Variants in FSIP2 observed in about 807,000 individuals in gnomAD.
FSIP2 encodes the protein fibrous sheath-interacting protein 2.
FSIP2 carries 367 observed loss-of-function variants against 510.5 expected under a neutral mutation model. The ratio of observed to expected loss-of-function variants is 0.72; its 90% CI spans 0.66 to 0.78. The LOEUF is 0.78. Among genes scored for constraint, FSIP2 ranks in the 30% least tolerant of loss-of-function variants. The probability of loss-of-function intolerance (pLI) is 0.00; values close to 1 mark genes in which losing one functional copy is unlikely to be tolerated. For synonymous variants in FSIP2, 2,601 were observed against 2,732.2 expected (o/e 0.95, Z 1.50); for missense variants, 7,594 against 7,901.7 (o/e 0.96, Z 1.48).
In FSIP2 at chr2:185,800,383, A is replaced by G. The variant is rs1452513655; in HGVS notation, c.11077A>G (p.Lys3693Glu). The G allele has an allele frequency of 5.2e-6, 8 of 1,526,882 alleles. No homozygotes were observed. The highest frequency in any genetic ancestry group is 7.0e-6 in the Non-Finnish European group (8 of 1,143,606). 94.6% of individuals were successfully genotyped at this position (1,526,882 alleles called of 1,614,324 possible). A position where few individuals can be genotyped will look rare whatever the true frequency, so the allele number is the denominator to read the frequency against. Residue 3693 changes from lysine to glutamate, a missense_variant, in exon 17 of 23, where the codon AAA becomes GAA. Coordinates refer to ENST00000424728, the MANE Select transcript of FSIP2 (RefSeq NM_173651.4). ...TGGTAACCTAAAAACAAGTGAATCC[A>G]AAGAAGTAGTCAATAAAGTTTTTAA... ...LVGNLKTSESKEVVNKVFNIV... is the reference protein window; with the variant it reads ...LVGNLKTSESEEVVNKVFNIV...
At chr2:185,764,137 T>G (rs2105561989) in intron 12 of FSIP2, among the ~76,000 whole-genome samples, 1 of 151,798 alleles carries the variant, frequency 6.6e-6, no homozygotes, top group South Asian at 2.1e-4. Flanking sequence ...TTACTGACCT[T>G]TTTAGGGTAA....
chr2:185,796,023 A>G lies in FSIP2; in HGVS notation c.8887A>G (p.Lys2963Glu), dbSNP rs1207084325. The G allele has an allele frequency of 1.3e-6, 2 of 1,533,266 alleles. No individual in the cohort carries two copies. Among genetic ancestry groups the G allele is most frequent in the Admixed American group, 2.0e-5 (1 of 50,516 alleles). The allele number at this position is 1,533,266 out of a possible 1,614,324, so 95.0% of individuals were successfully genotyped here. A position where few individuals can be genotyped will look rare whatever the true frequency, so the allele number is the denominator to read the frequency against. ...TAKSKYGFPNKHSLSSLPIYN... is the reference protein window; with the variant it reads ...TAKSKYGFPNEHSLSSLPIYN... ...TAAAAGTAAATATGGTTTTCCAAAC[A>G]AGCATAGCCTCAGCAGTTTACCAAT... Residue 2963 changes from lysine (K) to glutamate (E), a missense_variant, in exon 16 of 23, where the codon AAG (lysine) becomes GAG (glutamate). Transcript: ENST00000424728.
At chr2:185,769,339 T>C (rs1692560821) in intron 13 of FSIP2, among the ~76,000 whole-genome samples, 1 of 152,210 alleles carries the variant, frequency 6.6e-6, no homozygotes, top group South Asian at 2.1e-4. Context: ...TGGTGCAAGA[T>C]GGTATCTCAT....
rs1177437743 is a variant in FSIP2, at chr2:185,807,441, T to C, written c.18135T>C (p.Asn6045=). ...EPEDNLSTEL[N]FLQMKLVSAV... ...AGGACAATTTGTCCACAGAACTGAA[T>C]TTCCTTCAAATGAAGTTAGTAAGTG... The change falls in exon 17 of 23, where the codon AAT becomes AAC. Residue 6045 remains asparagine, a synonymous_variant. Coordinates refer to ENST00000424728, the MANE Select transcript of FSIP2 (RefSeq NM_173651.4). 6.2e-7 allele frequency: 1 copy of C among 1,612,408 alleles called. No individual in the cohort carries two copies. Among genetic ancestry groups the C allele is most frequent in the African/African-American group, 1.3e-5 (1 of 74,838 alleles).
chr2:185,803,030 G>C lies in FSIP2; in HGVS notation c.13724G>C (p.Arg4575Thr), dbSNP rs1185670543. The change falls in exon 17 of 23, where the codon AGA becomes ACA. Residue 4575 changes from arginine to threonine, a missense_variant. Arg to Thr is a moderately conservative substitution (Grantham distance 71, BLOSUM62 -1). Coordinates refer to ENST00000424728, the MANE Select transcript of FSIP2 (RefSeq NM_173651.4). ...ITSSNDILID[R>T]IAGFIIKHIC... ...AGCAGTAATGACATTCTTATAGATA[G>C]AATAGCAGGTTTCATCATTAAACAT... The C allele has an allele frequency of 4.6e-6, 7 of 1,525,884 alleles. No individual in the cohort carries two copies. The highest frequency in any genetic ancestry group is 5.3e-6 in the Non-Finnish European group (6 of 1,142,698). 94.5% of individuals were successfully genotyped at this position (1,525,884 alleles called of 1,614,324 possible).
rs1344814267 is a variant in FSIP2, at chr2:185,805,016, A to G, written c.15710A>G (p.Gln5237Arg). The G allele has an allele frequency of 6.3e-7, 1 of 1,591,478 alleles. No individual in the cohort carries two copies. The highest frequency in any genetic ancestry group is 8.5e-7 in the Non-Finnish European group (1 of 1,173,120). Residue 5237 changes from glutamine to arginine, a missense_variant, in exon 17 of 23, where the codon CAG becomes CGG. Transcript: ENST00000424728. ...AAAGAAATCATGTATCATCATTTACAGCCATTTTTACATGGTGAAGAATCA... is the reference window on the plus strand; with the variant it reads ...AAAGAAATCATGTATCATCATTTACGGCCATTTTTACATGGTGAAGAATCA... Reference protein sequence around the residue: ...IMKEIMYHHLQPFLHGEESSF... With the variant: ...IMKEIMYHHLRPFLHGEESSF...
intron 13 of FSIP2, among the ~76,000 whole-genome samples, chr2:185,769,929 T>C (rs917433509): frequency 2.6e-5 from 4 of 152,150 alleles, no homozygotes; most frequent in Admixed American, 6.6e-5. Context: ...TGCAGGCCTA[T>C]ATATCTATTT....
Position 185,792,810 on chromosome 2 carries a change from A to C in FSIP2, c.5674A>C (p.Thr1892Pro), listed in dbSNP as rs1382341388. 3 of 1,534,354 alleles carry C rather than the reference A, an allele frequency of 2.0e-6. No individual in the cohort carries two copies. The Admixed American group carries it at 5.9e-5, about 30-fold the overall frequency. ...CACCTATAAAGGAAAGTCCTCTGTCACGGCTTTGGATGAAAATCCATGTAC... is the reference window on the plus strand; with the variant it reads ...CACCTATAAAGGAAAGTCCTCTGTCCCGGCTTTGGATGAAAATCCATGTAC... Reference protein sequence around the residue: ...EHTYKGKSSVTALDENPCTFQ... With the variant: ...EHTYKGKSSVPALDENPCTFQ... The change falls in exon 16 of 23, where the codon ACG becomes CCG. Residue 1892 changes from threonine (T) to proline (P), a missense_variant. Physicochemically the swap from Thr to Pro is conservative, Grantham distance 38 (BLOSUM62 -1). Coordinates refer to ENST00000424728, the MANE Select transcript of FSIP2 (RefSeq NM_173651.4).
chr2:185,751,231 G>T, intron 7 of FSIP2, among the ~76,000 whole-genome samples: 1 of 151,282 alleles, frequency 6.6e-6, no homozygotes, highest in East Asian at 1.9e-4. Context: ...CTCAGTTTTT[G>T]TTTTATTTGA....
intron 7 of FSIP2, among the ~76,000 whole-genome samples, chr2:185,749,307 GTCT>G (rs556293895): frequency 9.5e-4 from 145 of 151,838 alleles, no homozygotes; most frequent in African/African-American, 3.1e-3. Context: ...ATTTATGTAG[GTCT>G]TCTTAATTTC....
intron 20 of FSIP2, among the ~76,000 whole-genome samples, chr2:185,826,416 C>T (rs1227579078): frequency 6.6e-6 from 1 of 151,708 alleles, no homozygotes; most frequent in Non-Finnish European, 1.5e-5. Flanking sequence ...ACATTAATGG[C>T]CCTTGGATTT....
chr2:185,786,937 A>G (rs72900048), intron 15 of FSIP2, among the ~76,000 whole-genome samples: 4,014 of 151,956 alleles, frequency 0.026, 75 homozygotes, highest in Admixed American at 0.042. Context: ...ATAGAAAGCA[A>G]TTAAAAACTA....
At position 185,788,887 on chromosome 2, in the gene FSIP2, G is replaced by T. The variant is rs772995097; in HGVS notation, c.1751G>T (p.Cys584Phe). The T allele has an allele frequency of 4.6e-6, 7 of 1,534,936 alleles. No individual in the cohort carries two copies. The East Asian group carries it at 1.7e-4, about 38-fold the overall frequency. The change falls in exon 16 of 23, where the codon TGT (cysteine) becomes TTT (phenylalanine). Residue 584 changes from cysteine to phenylalanine, a missense_variant. Cys to Phe is a radical substitution (Grantham distance 205). Transcript: ENST00000424728. Reference sequence around the variant, plus strand: ...ACTAAAACATTTCAGGCAGAACCCTGTGCATTTGTAGTTGACACGTCAGTA... The same window carrying T: ...ACTAAAACATTTCAGGCAGAACCCTTTGCATTTGTAGTTGACACGTCAGTA... ...ATTKTFQAEP[C>F]AFVVDTSVRR...
At chr2:185,738,746 C>T, upstream of FSIP2, 2 of 1,535,986 alleles carry the variant, frequency 1.3e-6, no homozygotes, top group South Asian at 2.4e-5. Flanking sequence ...CTTCTGGGGC[C>T]GCTACCATTG....
In FSIP2 at chr2:185,805,279, A is replaced by C. The variant is rs748761282; in HGVS notation, c.15973A>C (p.Lys5325Gln). 6.3e-7 allele frequency: 1 copy of C among 1,593,626 alleles called. No homozygotes were observed. The highest frequency in any genetic ancestry group is 2.2e-5 in the East Asian group (1 of 44,712). ...AAATTCTCTGATAAGGGAATTTAAG[A>C]AAAGTGATATTAAAGTTTTACCAAA... ...LANSLIREFK[K>Q]SDIKVLPNAE... The change falls in exon 17 of 23, where the codon AAA becomes CAA. Residue 5325 changes from lysine (K) to glutamine (Q), a missense_variant. Lys to Gln is a moderately conservative substitution (Grantham distance 53). Transcript: ENST00000424728.
rs1693503208 is a variant in FSIP2 at position 185,804,015 on chromosome 2, C to A, written c.14709C>A (p.Ile4903=). Reference sequence around the variant, plus strand: ...TAGCGAGTTTTATAATAAAAGAAATCTTTAACCATCATATTCAATCATTTT... The same window carrying A: ...TAGCGAGTTTTATAATAAAAGAAATATTTAACCATCATATTCAATCATTTT... ...SKIASFIIKE[I]FNHHIQSFLS... Residue 4903 remains isoleucine, a synonymous_variant, in exon 17 of 23, where the codon ATC becomes ATA. Coordinates refer to ENST00000424728, the MANE Select transcript of FSIP2 (RefSeq NM_173651.4). 1 of 1,499,838 alleles carries A rather than the reference C, an allele frequency of 6.7e-7. No individual in the cohort carries two copies. Among genetic ancestry groups the A allele is most frequent in the Non-Finnish European group, 8.9e-7 (1 of 1,128,870 alleles). 92.9% of individuals were successfully genotyped at this position (1,499,838 alleles called of 1,614,324 possible). A position where few individuals can be genotyped will look rare whatever the true frequency, so the allele number is the denominator to read the frequency against.
chr2:185,804,178 T>C lies in FSIP2; in HGVS notation c.14872T>C (p.Cys4958Arg), dbSNP rs1035005015. 29 of 1,511,858 alleles carry C rather than the reference T, an allele frequency of 1.9e-5. No individual in the cohort carries two copies. In the Admixed American group the frequency reaches 2.6e-4, roughly 14 times the overall value. The allele number at this position is 1,511,858 out of a possible 1,614,324, so 93.7% of individuals were successfully genotyped here. ...FLEEVISELL[C>R]KILYAFSHNM... Reference sequence around the variant, plus strand: ...GGAGGAAGTAATTTCTGAGCTCTTATGCAAAATTCTTTATGCATTTTCACA... The same window carrying C: ...GGAGGAAGTAATTTCTGAGCTCTTACGCAAAATTCTTTATGCATTTTCACA... Residue 4958 changes from cysteine (C) to arginine (R), a missense_variant, in exon 17 of 23, where the codon TGC becomes CGC. Transcript: ENST00000424728.
At chr2:185,752,548 C>T (rs939148873) in intron 7 of FSIP2, among the ~76,000 whole-genome samples, 2 of 151,150 alleles carry the variant, frequency 1.3e-5, no homozygotes, top group African/African-American at 4.8e-5. Flanking sequence ...GCATATTAGG[C>T]TGCTTGAAGT....
chr2:185,776,924 A>G (rs1008007168), intron 13 of FSIP2, among the ~76,000 whole-genome samples: 1 of 152,072 alleles, frequency 6.6e-6, no homozygotes, highest in Non-Finnish European at 1.5e-5. Context: ...AGGTTTCGCC[A>G]TGTTGGTCAG....
Sources: allele counts gnomAD v4.1 joint callset (sites outside exome capture counted in the v4.1 genomes callset), GRCh38; gene constraint gnomAD v4.1.1; transcripts MANE v1.5; gene names NCBI Gene and HGNC (gene_info 2026-07-23, HGNC 2026-07-21).